SVIL: variants seen among roughly 807,000 people sequenced by gnomAD.
The protein encoded by SVIL is supervillin.
A neutral mutation model predicts 240.4 loss-of-function variants in SVIL; 101 were observed. That is an observed-to-expected ratio of 0.42 (90% CI 0.36 to 0.50). The LOEUF (loss-of-function observed/expected upper bound fraction) is 0.50, where lower values mean the gene tolerates loss of function less well. Among genes scored for constraint, SVIL ranks in the 20% least tolerant of loss-of-function variants. The pLI, the probability that SVIL is intolerant of heterozygous loss-of-function variation, is 0.01. For synonymous variants in SVIL, 999 were observed against 1,100.0 expected, an observed-to-expected ratio of 0.91 and a Z score of 1.82; for missense variants, 2,512 against 2,818.7, an observed-to-expected ratio of 0.89 and a Z score of 2.46.
At chr10:29,489,641 G>A (rs1275770637) in intron 22 of SVIL, among the ~76,000 whole-genome samples, 4 of 152,052 alleles carry the variant, frequency 2.6e-5, no homozygotes, top group Admixed American at 2.6e-4. Flanking sequence ...TTGACCTCCC[G>A]GGGTTTAGTG....
chr10:29,689,013 C>A (rs1961296894), intron 1 of SVIL, among the ~76,000 whole-genome samples: 2 of 152,088 alleles, frequency 1.3e-5, no homozygotes, highest in Non-Finnish European at 2.9e-5. Flanking sequence ...ATAAAAGGCA[C>A]ATATATATAC....
chr10:29,510,792 C>G (rs1053808161), intron 17 of SVIL, among the ~76,000 whole-genome samples: 1 of 143,896 alleles, frequency 6.9e-6, no homozygotes, highest in African/African-American at 2.6e-5. Context: ...TCAAGACAGA[C>G]CAGGTTTAAG....
rs1234244892 is a variant in SVIL, at chr10:29,634,027, C to T, written c.-201+393G>A. Among the ~76,000 whole-genome samples the T allele has an allele frequency of 2.6e-5, 4 of 152,070 alleles. 1 individual carries two copies. The highest frequency in any genetic ancestry group is 5.9e-5 in the Non-Finnish European group (4 of 68,016). On this transcript the variant is annotated intron_variant, in intron 1 of 37. Coordinates refer to ENST00000355867, the MANE Select transcript of SVIL (RefSeq NM_021738.3). ...TAATGGCAGTGAAATAAAACTTGCC[C>T]TTCTGAACTCCACCCCCATACTTGT...
intron 17 of SVIL, among the ~76,000 whole-genome samples, chr10:29,505,077 C>T (rs1351516746): frequency 6.6e-6 from 1 of 152,232 alleles, no homozygotes; most frequent in Non-Finnish European, 1.5e-5. Context: ...AATCCCAACA[C>T]TCTGAGAGGC....
intron 12 of SVIL, among the ~76,000 whole-genome samples, chr10:29,528,509 T>C (rs560665104): frequency 1.3e-5 from 2 of 151,376 alleles, no homozygotes; most frequent in Admixed American, 6.6e-5. Flanking sequence ...GAGGCTGAGG[T>C]GGGAGGATCG....
At chr10:29,501,956 T>C (rs1002075656) in intron 17 of SVIL, among the ~76,000 whole-genome samples, 2 of 152,156 alleles carry the variant, frequency 1.3e-5, no homozygotes, top group African/African-American at 4.8e-5. Context: ...GTAGTGGGTG[T>C]GGATAATGAC....
At position 29,555,050 on chromosome 10, in the gene SVIL, C is replaced by T. The variant is rs369519072; in HGVS notation, c.8+1G>A. ...CCTAACTCCCACTATAAAGATCTTA[C>T]CTTTTCATTTCTAAGAATTCTTTCT... On this transcript the variant is annotated splice_donor_variant, in intron 4 of 37. Coordinates refer to ENST00000355867, the MANE Select transcript of SVIL (RefSeq NM_021738.3). LOFTEE classifies it high-confidence loss of function. The T allele has an allele frequency of 4.8e-5, 77 of 1,613,020 alleles. No homozygotes were observed. The highest frequency in any genetic ancestry group is 6.3e-5 in the Non-Finnish European group (74 of 1,179,752).
At chr10:29,626,123 G>A (rs1957856247) in intron 1 of SVIL, among the ~76,000 whole-genome samples, 1 of 152,132 alleles carries the variant, frequency 6.6e-6, no homozygotes, top group Non-Finnish European at 1.5e-5. Context: ...GGTATAGCAT[G>A]GTGACTATAG....
intron 3 of SVIL, among the ~76,000 whole-genome samples, chr10:29,647,982 A>AC (rs1179736974): frequency 1.3e-5 from 2 of 151,458 alleles, no homozygotes; most frequent in South Asian, 2.1e-4. Context: ...AAAAAAAAAA[A>AC]AAACAAAAAA....
intron 6 of SVIL, among the ~76,000 whole-genome samples, chr10:29,544,605 A>T (rs1202107840): frequency 6.6e-6 from 1 of 152,050 alleles, no homozygotes; most frequent in East Asian, 1.9e-4. Context: ...AAAATTCAAA[A>T]ATTAGCCAGG....
intron 3 of SVIL, among the ~76,000 whole-genome samples, chr10:29,645,659 C>T (rs1958632231): frequency 1.3e-5 from 2 of 152,192 alleles, no homozygotes; most frequent in Admixed American, 6.5e-5. Context: ...AATTATTAGA[C>T]AGTAGGAGAG....
chr10:29,522,567 T>A lies in SVIL; in HGVS notation c.3232A>T (p.Thr1078Ser), dbSNP rs1168678719. Residue 1078 changes from threonine to serine, a missense_variant, in exon 16 of 38, where the codon ACA becomes TCA. Thr to Ser is a moderately conservative substitution (Grantham distance 58, BLOSUM62 1). This residue lies in a region of SVIL where 1,443 missense variants were observed against 1,486.6 expected (regional missense o/e 0.97). Transcript: ENST00000355867. ...TGGGGCTTCCAGGACACGGGGGCTG[T>A]GGTTTGAGCAATAGTTTTCCCAGCA... is the stretch of plus-strand genomic sequence containing the variant. ...TAAGKTIAQT[T>S]APVSWKPQDS... 6.2e-7 allele frequency: 1 copy of A among 1,614,158 alleles called. No individual in the cohort carries two copies. The highest frequency in any genetic ancestry group is 8.5e-7 in the Non-Finnish European group (1 of 1,180,032).
chr10:29,647,108 TGATA>T (rs1958683846), intron 3 of SVIL: 1 of 152,164 alleles, frequency 6.6e-6, no homozygotes, highest in African/African-American at 2.4e-5. Flanking sequence ...ACAAGCAAGA[TGATA>T]GATAACCATG....
At position 29,532,713 on chromosome 10, in the gene SVIL, T is replaced by C. The variant is rs753170296; in HGVS notation, c.1654A>G (p.Thr552Ala). The C allele has an allele frequency of 1.9e-6, 3 of 1,614,196 alleles. No individual in the cohort carries two copies. Among genetic ancestry groups the C allele is most frequent in the Non-Finnish European group, 2.5e-6 (3 of 1,180,026 alleles). Residue 552 changes from threonine to alanine, a missense_variant, in exon 8 of 38, where the codon ACA (threonine) becomes GCA (alanine). This residue lies in a region of SVIL where 1,443 missense variants were observed against 1,486.6 expected (regional missense o/e 0.97). Transcript: ENST00000355867. ...AAGGCCTGGAGCTGAGGGGGGCCTG[T>C]GAAATCTGACAGAGAGCGGGTACGG... ...KVRTRSLSDF[T>A]GPPQLQALKY...
intron 1 of SVIL, among the ~76,000 whole-genome samples, chr10:29,598,628 T>A (rs925860593): frequency 6.6e-6 from 1 of 152,210 alleles, no homozygotes; most frequent in South Asian, 2.1e-4. Context: ...CCCTCTGCCA[T>A]CTCTAGTTTC....
chr10:29,481,481 T>C, intron 28 of SVIL, 103 bp downstream of exon 28: 1 of 1,415,544 alleles, frequency 7.1e-7, no homozygotes, highest in Non-Finnish European at 9.8e-7. Context: ...ACATCTGGGG[T>C]GACAGCCATA....
intron 21 of SVIL, 78 bp from the exon 22 acceptor site, chr10:29,491,097 A>G: frequency 6.9e-7 from 1 of 1,446,706 alleles, no homozygotes; most frequent in South Asian, 1.4e-5. Flanking sequence ...TGGACTCCAC[A>G]AAGTATTTCC....
intron 29 of SVIL, among the ~76,000 whole-genome samples, chr10:29,476,872 C>T (rs188760621): frequency 4.0e-5 from 6 of 151,478 alleles, no homozygotes; most frequent in African/African-American, 1.5e-4. Flanking sequence ...CTGGGCTATT[C>T]TTTTTTTTGA....
chr10:29,728,177 C>T (rs1221194787), intron 1 of SVIL, among the ~76,000 whole-genome samples: 7 of 152,016 alleles, frequency 4.6e-5, no homozygotes. Flanking sequence ...AACTCCCTTC[C>T]AAGATTTTCC....
Sources: gnomAD v4.1 joint callset for allele counts (sites outside exome capture counted in the v4.1 genomes callset) on GRCh38, gnomAD v4.1.1 for gene constraint, gnomAD v4.1.1 regional missense constraint, MANE v1.5 for transcripts, NCBI Gene and HGNC (gene_info 2026-07-23, HGNC 2026-07-21) for gene names.